Variants in ZCCHC24 observed in about 807,000 individuals in gnomAD.
ZCCHC24 encodes zinc finger CCHC domain-containing protein 24.
ZCCHC24 carries 10 observed loss-of-function variants against 26.2 expected under a neutral mutation model. The ratio of observed to expected loss-of-function variants is 0.38; its 90% CI spans 0.24 to 0.65. ZCCHC24 has a LOEUF of 0.65. ZCCHC24 is among the 30% of genes least tolerant of loss of function. The pLI is 0.54. For missense variants in ZCCHC24, 243 were observed against 329.1 expected, an observed-to-expected ratio of 0.74 and a Z score of 2.03; for synonymous variants, 144 against 147.1, an observed-to-expected ratio of 0.98 and a Z score of 0.15.
chr10:79,444,479 C>A (rs553181466), intron 1 of ZCCHC24, among the ~76,000 whole-genome samples: 13 of 152,094 alleles, frequency 8.5e-5, no homozygotes, highest in East Asian at 1.9e-4. Flanking sequence ...TCTCCCCCCC[C>A]CTTTCTAGCC....
intron 3 of ZCCHC24, 103 bp from the exon 4 acceptor site, chr10:79,386,561 G>T: frequency 2.3e-6 from 2 of 859,504 alleles, no homozygotes; most frequent in Non-Finnish European, 1.8e-6. Context: ...AGGTGAGACA[G>T]GTACACAGGG....
chr10:79,389,414 C>T, intron 3 of ZCCHC24, among the ~76,000 whole-genome samples: 1 of 152,144 alleles, frequency 6.6e-6, no homozygotes, highest in Non-Finnish European at 1.5e-5. Flanking sequence ...CTTTGCATGC[C>T]AGCTCTGCCG....
At chr10:79,399,820 AC>A (rs1199431080) in intron 2 of ZCCHC24, among the ~76,000 whole-genome samples, 3 of 152,352 alleles carry the variant, frequency 2.0e-5, no homozygotes, top group Non-Finnish European at 2.9e-5. Flanking sequence ...GAGGAGGCTC[AC>A]ACTCTCTGGG....
At chr10:79,400,379 A>G (rs1433247177) in intron 2 of ZCCHC24, among the ~76,000 whole-genome samples, 1 of 152,234 alleles carries the variant, frequency 6.6e-6, no homozygotes, top group South Asian at 2.1e-4. Flanking sequence ...CTTTGGATGA[A>G]TGACAATAAA....
intron 2 of ZCCHC24, among the ~76,000 whole-genome samples, chr10:79,412,700 C>T (rs969757150): frequency 6.6e-6 from 1 of 152,306 alleles, no homozygotes; most frequent in East Asian, 1.9e-4. Flanking sequence ...TAGCTGAGTA[C>T]GAAGTGAAAC....
chr10:79,393,677 G>A (rs1348526664), intron 3 of ZCCHC24, among the ~76,000 whole-genome samples: 1 of 152,184 alleles, frequency 6.6e-6, no homozygotes, highest in African/African-American at 2.4e-5. Context: ...TCTACCCCAA[G>A]CCTCTTGCTG....
chr10:79,441,044 T>G (rs924716556), intron 1 of ZCCHC24, among the ~76,000 whole-genome samples: 1 of 149,810 alleles, frequency 6.7e-6, no homozygotes, highest in Non-Finnish European at 1.5e-5. Context: ...TGGGATAGAA[T>G]GGCCATTACT....
chr10:79,392,022 AC>A lies in ZCCHC24; in HGVS notation c.612+2253del, dbSNP rs1856485974. Reference sequence around the variant, plus strand: ...TCCATTCCACTGGCTCCCAGACTCCACCCAGTCCACAGGCCCACCCGGCCTC... The same window carrying A: ...TCCATTCCACTGGCTCCCAGACTCCACCAGTCCACAGGCCCACCCGGCCTC... On this transcript the variant is annotated intron_variant, in intron 3 of 3. Coordinates refer to ENST00000372336, the MANE Select transcript of ZCCHC24 (RefSeq NM_153367.4). Among the ~76,000 whole-genome samples the A allele has an allele frequency of 3.3e-5, 5 of 150,240 alleles. No homozygotes were observed. The South Asian group carries it at 1.1e-3, about 32-fold the overall frequency.
At chr10:79,402,607 G>C (rs1564633721) in intron 2 of ZCCHC24, among the ~76,000 whole-genome samples, 1 of 152,170 alleles carries the variant, frequency 6.6e-6, no homozygotes, top group Non-Finnish European at 1.5e-5. Flanking sequence ...CCATGTGAGG[G>C]GGCTGCTCTG....
intron 2 of ZCCHC24, among the ~76,000 whole-genome samples, chr10:79,402,049 G>A (rs771843917): frequency 2.6e-5 from 4 of 152,196 alleles, no homozygotes; most frequent in Admixed American, 6.5e-5. Context: ...CAGAGGGGGC[G>A]CAGGGCTGAC....
At chr10:79,407,449 G>C (rs929953472) in intron 2 of ZCCHC24, among the ~76,000 whole-genome samples, 2 of 152,230 alleles carry the variant, frequency 1.3e-5, no homozygotes, top group African/African-American at 4.8e-5. Flanking sequence ...GCTCACGAGA[G>C]CACGCACAGG....
At chr10:79,394,091 A>G (rs1856512889) in intron 3 of ZCCHC24, among the ~76,000 whole-genome samples, 185 bp downstream of exon 3, 1 of 152,216 alleles carries the variant, frequency 6.6e-6, no homozygotes, top group Non-Finnish European at 1.5e-5. Flanking sequence ...TCTGGTCTCA[A>G]GATCTTGGTG....
intron 2 of ZCCHC24, among the ~76,000 whole-genome samples, chr10:79,425,694 C>T (rs1857017802): frequency 6.6e-6 from 1 of 152,144 alleles, no homozygotes; most frequent in Non-Finnish European, 1.5e-5. Context: ...ATAGTACCTA[C>T]CGAGACAATT....
At chr10:79,441,824 T>C (rs1456186245) in intron 1 of ZCCHC24, among the ~76,000 whole-genome samples, 1 of 152,206 alleles carries the variant, frequency 6.6e-6, no homozygotes, top group Non-Finnish European at 1.5e-5. Flanking sequence ...AGAGAACAGC[T>C]GCCCTAAGAA....
intron 2 of ZCCHC24, among the ~76,000 whole-genome samples, chr10:79,396,494 CAACT>C (rs1856548785): frequency 6.6e-6 from 1 of 152,166 alleles, no homozygotes; most frequent in Non-Finnish European, 1.5e-5. Flanking sequence ...CTGCTCCCAC[CAACT>C]AGAGCTGAAT....
At position 79,402,840 on chromosome 10, in the gene ZCCHC24, T is replaced by C. The variant is rs59526967; in HGVS notation, c.448-8400A>G. Among the ~76,000 whole-genome samples, 1,739 of 152,206 alleles carry C rather than the reference T, an allele frequency of 0.011. 214 individuals are homozygous for C. In the East Asian group the frequency reaches 0.29, roughly 25 times the overall value. On this transcript the variant is annotated intron_variant, in intron 2 of 3. Coordinates refer to ENST00000372336, the MANE Select transcript of ZCCHC24 (RefSeq NM_153367.4). Reference sequence around the variant, plus strand: ...AATGTGCGGCCTCTCCGTGAGACGGTTGAGAGAAAATTAAAGAAAAAGCCT... The same window carrying C: ...AATGTGCGGCCTCTCCGTGAGACGGCTGAGAGAAAATTAAAGAAAAAGCCT...
At chr10:79,422,801 A>G (rs753154586) in intron 2 of ZCCHC24, among the ~76,000 whole-genome samples, 58 of 152,164 alleles carry the variant, frequency 3.8e-4, no homozygotes, top group Non-Finnish European at 7.6e-4. Context: ...ACAGGTGACA[A>G]CACCCCTCAG....
intron 1 of ZCCHC24, among the ~76,000 whole-genome samples, chr10:79,433,326 C>T (rs915248944): frequency 1.3e-5 from 2 of 152,154 alleles, no homozygotes; most frequent in Admixed American, 6.5e-5. Context: ...TCCTGCAGCC[C>T]GAGGCTTGTG....
intron 2 of ZCCHC24, among the ~76,000 whole-genome samples, chr10:79,404,131 C>T (rs1195254327): frequency 1.3e-5 from 2 of 152,108 alleles, no homozygotes; most frequent in Non-Finnish European, 2.9e-5. Context: ...GGGAACGGGG[C>T]CCACAGAGGC....
Sources: gnomAD v4.1 joint callset for allele counts (sites outside exome capture counted in the v4.1 genomes callset) on GRCh38, gnomAD v4.1.1 for gene constraint, MANE v1.5 for transcripts, NCBI Gene and HGNC (gene_info 2026-07-23, HGNC 2026-07-21) for gene names.